Variants in KIR2DL3 observed in about 807,000 individuals in gnomAD.
KIR2DL3 encodes the protein killer cell immunoglobulin-like receptor 2DL3.
A neutral mutation model predicts 33.8 loss-of-function variants in KIR2DL3; 39 were observed. The observed-to-expected ratio is 1.15, with a 90% confidence interval of 0.89 to 1.51. KIR2DL3 has a LOEUF of 1.51. Among genes scored for constraint, KIR2DL3 ranks in the 40% most tolerant of loss-of-function variants. The pLI is 0.00. For synonymous variants in KIR2DL3, 174 were observed against 160.2 expected, an observed-to-expected ratio of 1.09 and a Z score of -0.65; for missense variants, 462 against 426.2, an observed-to-expected ratio of 1.08 and a Z score of -0.74.
chr19:54,747,723 C>T (rs1300880210), intron 5 of KIR2DL3, among the ~76,000 whole-genome samples: 15 of 152,160 alleles, frequency 9.9e-5, no homozygotes, highest in African/African-American at 3.4e-4. Flanking sequence ...GGGAAGGGAA[C>T]ATCTGATGAG....
At chr19:54,748,148 CT>C in intron 5 of KIR2DL3, among the ~76,000 whole-genome samples, 1 of 150,154 alleles carries the variant, frequency 6.7e-6, no homozygotes, top group Non-Finnish European at 1.5e-5. Flanking sequence ...CCCCTTCCTC[CT>C]TCCTCAAAGC....
At chr19:54,739,205 G>C (rs1461905976) in intron 1 of KIR2DL3, among the ~76,000 whole-genome samples, 1 of 151,210 alleles carries the variant, frequency 6.6e-6, no homozygotes, top group East Asian at 2.0e-4. Context: ...CTGGGGCGGA[G>C]ATATGGGACT....
chr19:54,752,586 A>T lies in KIR2DL3; in HGVS notation c.*67A>T. ...TGAGGGGATCTTCTAGGGAGACAACAGCCCTGTCTCAAAACTGGGTTGCCA... is the reference window on the plus strand; with the variant it reads ...TGAGGGGATCTTCTAGGGAGACAACTGCCCTGTCTCAAAACTGGGTTGCCA... On this transcript the variant is annotated 3_prime_UTR_variant, in exon 8 of 8. Coordinates refer to ENST00000342376, the MANE Select transcript of KIR2DL3 (RefSeq NM_015868.3). The T allele has an allele frequency of 6.9e-7, 1 of 1,450,184 alleles. No individual in the cohort carries two copies. Among genetic ancestry groups the T allele is most frequent in the Non-Finnish European group, 9.4e-7 (1 of 1,064,378 alleles). The allele number at this position is 1,450,184 out of a possible 1,614,324, so 89.8% of individuals were successfully genotyped here. A position where few individuals can be genotyped will look rare whatever the true frequency, so the allele number is the denominator to read the frequency against.
intron 3 of KIR2DL3, 144 bp from the exon 4 acceptor site, chr19:54,743,651 A>T: frequency 1.0e-6 from 1 of 985,722 alleles, no homozygotes; most frequent in African/African-American, 1.7e-5. Context: ...AAGGAAATAG[A>T]CATGAAGAGA....
intron 5 of KIR2DL3, among the ~76,000 whole-genome samples, chr19:54,747,990 A>G (rs1316541687): frequency 6.6e-6 from 1 of 152,018 alleles, no homozygotes; most frequent in Non-Finnish European, 1.5e-5. Flanking sequence ...TAATTATCTT[A>G]CAGTGCTGTA....
At position 54,744,225 on chromosome 19, in the gene KIR2DL3, C is replaced by A. The variant is rs1326386918; in HGVS notation, c.664+137C>A. Reference sequence around the variant, plus strand: ...TGGGTGTGAGGGAGGGATCAGGGCACAGGATGGCAGACAGGGCACCTCCAA... The same window carrying A: ...TGGGTGTGAGGGAGGGATCAGGGCAAAGGATGGCAGACAGGGCACCTCCAA... On this transcript the variant is annotated intron_variant, in intron 4 of 7. Coordinates refer to ENST00000342376, the MANE Select transcript of KIR2DL3 (RefSeq NM_015868.3). 1,195 of 1,379,392 alleles carry A rather than the reference C, an allele frequency of 8.7e-4. No homozygotes were observed. In the African/African-American group the frequency reaches 0.016, roughly 18 times the overall value. The allele number at this position is 1,379,392 out of a possible 1,614,324, so 85.4% of individuals were successfully genotyped here.
At chr19:54,747,898 A>G (rs2072807724) in intron 5 of KIR2DL3, among the ~76,000 whole-genome samples, 1 of 152,220 alleles carries the variant, frequency 6.6e-6, no homozygotes, top group African/African-American at 2.4e-5. Flanking sequence ...CCCCATGCTC[A>G]GGCTGTGCAG....
At chr19:54,750,481 A>C (rs1236349671) in intron 5 of KIR2DL3, among the ~76,000 whole-genome samples, 4 of 138,798 alleles carry the variant, frequency 2.9e-5, no homozygotes, top group Admixed American at 2.2e-4. Flanking sequence ...GCCATTTGAC[A>C]TAAGAGAATT....
rs2147031441 is a variant in KIR2DL3 at position 54,742,058 on chromosome 19, G to T, written c.149G>T (p.Trp50Leu). ...GAAGAGACAGTCATCCTGCAATGTT[G>T]GTCAGATGTCAGGTTTCAGCACTTC... Reference protein sequence around the residue: ...KSEETVILQCWSDVRFQHFLL... With the variant: ...KSEETVILQCLSDVRFQHFLL... The change falls in exon 3 of 8, where the codon TGG (tryptophan) becomes TTG (leucine). Residue 50 changes from tryptophan (W) to leucine (L), a missense_variant. Transcript: ENST00000342376. 1 of 1,613,260 alleles carries T rather than the reference G, an allele frequency of 6.2e-7. No individual in the cohort carries two copies. Among genetic ancestry groups the T allele is most frequent in the Non-Finnish European group, 8.5e-7 (1 of 1,179,590 alleles).
In KIR2DL3 at chr19:54,752,871, C is replaced by T; in HGVS notation, c.*352C>T. ...CAATCACACTGAGGAACTCACAATT[C>T]CAAACATACAAGAGGCTCCCTCTTA... On this transcript the variant is annotated 3_prime_UTR_variant, in exon 8 of 8. Coordinates refer to ENST00000342376, the MANE Select transcript of KIR2DL3 (RefSeq NM_015868.3). The T allele has an allele frequency of 4.6e-6, 2 of 433,974 alleles. No individual in the cohort carries two copies. Among genetic ancestry groups the T allele is most frequent in the Non-Finnish European group, 8.5e-6 (2 of 234,628 alleles). 26.9% of individuals were successfully genotyped at this position (433,974 alleles called of 1,614,324 possible). A position where few individuals can be genotyped will look rare whatever the true frequency, so the allele number is the denominator to read the frequency against.
At chr19:54,740,280 C>T (rs1464607562) in intron 2 of KIR2DL3, among the ~76,000 whole-genome samples, 1 of 152,030 alleles carries the variant, frequency 6.6e-6, no homozygotes, top group Non-Finnish European at 1.5e-5. Context: ...GTGGTCAGGA[C>T]AAGCCCTTGC....
rs2071695897 is a variant in KIR2DL3, at chr19:54,743,907, C to T, written c.483C>T (p.Ser161=). The stretch of plus-strand genomic sequence containing the variant: ...GCTCCTATGACATGTACCATCTATC[C>T]AGGGAGGGGGAGGCCCATGAACGTA... ...SRSSYDMYHL[S]REGEAHERRF... The change falls in exon 4 of 8, where the codon TCC becomes TCT. Residue 161 remains serine (S), a synonymous_variant. Coordinates refer to ENST00000342376, the MANE Select transcript of KIR2DL3 (RefSeq NM_015868.3). 2 of 1,614,056 alleles carry T rather than the reference C, an allele frequency of 1.2e-6. No homozygotes were observed. Among genetic ancestry groups the T allele is most frequent in the Admixed American group, 1.7e-5 (1 of 60,020 alleles).
intron 3 of KIR2DL3, among the ~76,000 whole-genome samples, chr19:54,743,278 C>T (rs1233532734): frequency 2.4e-4 from 35 of 148,862 alleles, no homozygotes; most frequent in Admixed American, 6.0e-4. Flanking sequence ...ACAGATAATA[C>T]GTACAGATAG....
Position 54,752,446 on chromosome 19 carries a change from G to A in KIR2DL3, c.953G>A (p.Arg318His), listed in dbSNP as rs1049267. 0.39 allele frequency: 568,909 copies of A among 1,441,344 alleles called. 189,039 individuals carry two copies. The highest frequency in any genetic ancestry group is 0.43 in the Non-Finnish European group (457,229 of 1,063,516). The allele number at this position is 1,441,344 out of a possible 1,614,324, so 89.3% of individuals were successfully genotyped here. A position where few individuals can be genotyped will look rare whatever the true frequency, so the allele number is the denominator to read the frequency against. Reference protein sequence around the residue: ...HCVFTQRKITRPSQRPKTPPT... With the variant: ...HCVFTQRKITHPSQRPKTPPT... ...GTTTTCACACAGAGAAAAATCACTC[G>A]CCCTTCTCAGAGGCCCAAGACACCC... The change falls in exon 8 of 8, where the codon CGC becomes CAC. Residue 318 changes from arginine to histidine, a missense_variant. By Grantham distance (29) the Arg-to-His change is conservative (BLOSUM62 0). Transcript: ENST00000342376.
chr19:54,744,142 G>C, intron 4 of KIR2DL3, 54 bp downstream of exon 4: 1 of 1,604,756 alleles, frequency 6.2e-7, no homozygotes. Flanking sequence ...CCTTAGCTGA[G>C]GAGCTTCCTG....
Position 54,749,261 on chromosome 19 carries a change from G to A in KIR2DL3, c.715+1876G>A, listed in dbSNP as rs1456895757. ...ACTCACAGCCATTGGATTCACCTCG[G>A]GGTAACCAGGAATCCCTACATGATT... On this transcript the variant is annotated intron_variant, in intron 5 of 7. Transcript: ENST00000342376. 7.5e-3 allele frequency among the ~76,000 whole-genome samples: 1,079 copies of A among 144,820 alleles called. 4 individuals carry two copies. Among genetic ancestry groups the A allele is most frequent in the African/African-American group, 0.026 (973 of 37,902 alleles).
chr19:54,751,746 C>G lies in KIR2DL3; in HGVS notation c.813C>G (p.Asn271Lys), dbSNP rs759464676. The G allele has an allele frequency of 2.1e-6, 3 of 1,456,320 alleles. 1 individual carries two copies. Among genetic ancestry groups the G allele is most frequent in the Non-Finnish European group, 2.8e-6 (3 of 1,070,372 alleles). 90.2% of individuals were successfully genotyped at this position (1,456,320 alleles called of 1,614,324 possible). A position where few individuals can be genotyped will look rare whatever the true frequency, so the allele number is the denominator to read the frequency against. The stretch of plus-strand genomic sequence containing the variant: ...TTCTCCTTCATCGCTGGTGCTGCAA[C>G]AAAAAAAGTAAGTCTCACGAAGCAG... ...LFFLLHRWCCNKKNAVVMDQE... is the reference protein window; with the variant it reads ...LFFLLHRWCCKKKNAVVMDQE... The change falls in exon 6 of 8, where the codon AAC becomes AAG. Residue 271 changes from asparagine to lysine, a missense_variant. Physicochemically the swap from Asn to Lys is moderately conservative, Grantham distance 94. Coordinates refer to ENST00000342376, the MANE Select transcript of KIR2DL3 (RefSeq NM_015868.3).
chr19:54,747,266 T>G, intron 4 of KIR2DL3, 69 bp from the exon 5 acceptor site: 1 of 1,587,736 alleles, frequency 6.3e-7, no homozygotes, highest in East Asian at 2.2e-5. Flanking sequence ...TGAACCAACC[T>G]CAAAGATTTC....
rs1236716657 is a variant in KIR2DL3, at chr19:54,747,374, G to A, written c.704G>A (p.Ser235Asn). Residue 235 changes from serine (S) to asparagine (N), a missense_variant, in exon 5 of 8, where the codon AGC becomes AAC. Physicochemically the swap from Ser to Asn is conservative, Grantham distance 46. Transcript: ENST00000342376. Reference protein sequence around the residue: ...SNSWPSPTEPSSETGNPRHLH... With the variant: ...SNSWPSPTEPNSETGNPRHLH... Reference sequence around the variant, plus strand: ...AGTTGGCCTTCACCCACTGAACCAAGCTCCGAAACCGGTGAGTACAGAACC... The same window carrying A: ...AGTTGGCCTTCACCCACTGAACCAAACTCCGAAACCGGTGAGTACAGAACC... 2 of 1,611,450 alleles carry A rather than the reference G, an allele frequency of 1.2e-6. No homozygotes were observed. The highest frequency in any genetic ancestry group is 1.3e-5 in the African/African-American group (1 of 74,640).
Sources: allele counts gnomAD v4.1 joint callset (sites outside exome capture counted in the v4.1 genomes callset), GRCh38; gene constraint gnomAD v4.1.1; transcripts MANE v1.5; gene names NCBI Gene and HGNC (gene_info 2026-07-23, HGNC 2026-07-21).